ATP2A1: variants seen among roughly 807,000 people sequenced by gnomAD.
The protein encoded by ATP2A1 is sarcoplasmic/endoplasmic reticulum calcium ATPase 1.
ATP2A1 carries 83 observed loss-of-function variants against 109.5 expected under a neutral mutation model. The observed-to-expected ratio is 0.76, with a 90% CI of 0.63 to 0.91. The LOEUF is 0.91. Ranked by LOEUF, ATP2A1 falls within the 40% of genes least tolerant of loss-of-function variation. The pLI is 0.00. For synonymous variants in ATP2A1, 505 were observed against 537.6 expected, an observed-to-expected ratio of 0.94 and a Z score of 0.84; for missense variants, 1,101 against 1,341.0, an observed-to-expected ratio of 0.82 and a Z score of 2.80.
At position 28,902,424 on chromosome 16, in the gene ATP2A1, G is replaced by A. The variant is rs971051546; in HGVS notation, c.2524+38G>A. 1.9e-6 allele frequency: 3 copies of A among 1,607,690 alleles called. No individual in the cohort carries two copies. Among genetic ancestry groups the A allele is most frequent in the East Asian group, 2.2e-5 (1 of 44,758 alleles). On this transcript the variant is annotated intron_variant, in intron 17 of 22. Transcript: ENST00000395503. The surrounding 1 kb of genome is among the most constrained non-coding windows in gnomAD (Gnocchi z 4.8). ...GGTTCCTCGATCCTCCCCACCCCTT[G>A]GGACTAACCCCCTCTCTGGGACACC...
rs1330683926 is a variant in ATP2A1 at position 28,879,018 on chromosome 16, C to G, written c.119-81C>G. On this transcript the variant is annotated intron_variant, in intron 1 of 22. Transcript: ENST00000395503. ...ATGAACCTCAAGGTGGCCTGATTCT[C>G]TTAGCCACAAAGTCTTGGGTGTGGG... is the stretch of plus-strand genomic sequence containing the variant. The G allele has an allele frequency of 3.2e-6, 5 of 1,583,616 alleles. No individual in the cohort carries two copies. In the Admixed American group the frequency reaches 8.3e-5, roughly 26 times the overall value.
rs990172245 is a variant in ATP2A1, at chr16:28,883,893, G to A, written c.464-682G>A. The stretch of plus-strand genomic sequence containing the variant: ...TGAGATGCTCAGACCGGGCTGTCAG[G>A]TTCCCGATATGTGGTCCTCTCCATG... On this transcript the variant is annotated intron_variant, in intron 5 of 22. Coordinates refer to ENST00000395503, the MANE Select transcript of ATP2A1 (RefSeq NM_004320.6). This position sits in a 1 kb window ranked among gnomAD's most constrained non-coding sequence, Gnocchi z 5.2. Among the ~76,000 whole-genome samples the A allele has an allele frequency of 6.6e-6, 1 of 151,990 alleles. No homozygotes were observed. The highest frequency in any genetic ancestry group is 6.6e-5 in the Admixed American group (1 of 15,244).
chr16:28,881,163 T>C (rs1963463487), intron 4 of ATP2A1, 144 bp downstream of exon 4: 1 of 875,494 alleles, frequency 1.1e-6, no homozygotes. Flanking sequence ...TGGGATGGAG[T>C]GTGGGGAAGA....
intron 11 of ATP2A1, 37 bp downstream of exon 11, chr16:28,894,644 T>TG (rs1387367149): frequency 6.2e-7 from 1 of 1,610,232 alleles, no homozygotes; most frequent in African/African-American, 1.3e-5. Context: ...GCTCAGAGTC[T>TG]GGGCCTCCTC....
chr16:28,898,237 C>A lies in ATP2A1; in HGVS notation c.1550C>A (p.Ala517Asp). The A allele has an allele frequency of 6.2e-7, 1 of 1,614,206 alleles. No homozygotes were observed. Among genetic ancestry groups the A allele is most frequent in the Non-Finnish European group, 8.5e-7 (1 of 1,180,038 alleles). ...AVGNKMFVKG[A>D]PEGVIDRCNY... ...AATGCTGTTCTGGTCTCCTAGGGTG[C>A]CCCTGAGGGCGTCATCGACCGCTGT... The change falls in exon 14 of 23, where the codon GCC becomes GAC. Residue 517 changes from alanine (A) to aspartate (D), a missense_variant. Transcript: ENST00000395503. This position sits in a 1 kb window ranked among gnomAD's most constrained non-coding sequence, Gnocchi z 4.0.
chr16:28,881,404 G>A (rs186021016), intron 4 of ATP2A1: 2 of 304,946 alleles, frequency 6.6e-6, no homozygotes, highest in Non-Finnish European at 1.3e-5. Flanking sequence ...TCTGCTTCCT[G>A]GTTTGTTTTG....
chr16:28,880,975 A>G lies in ATP2A1; in HGVS notation c.280A>G (p.Ile94Val), dbSNP rs750741201. 2.5e-5 allele frequency: 41 copies of G among 1,614,010 alleles called. No individual in the cohort carries two copies. The highest frequency in any genetic ancestry group is 3.2e-5 in the Non-Finnish European group (38 of 1,180,012). Residue 94 changes from isoleucine to valine, a missense_variant, in exon 4 of 23, where the codon ATC becomes GTC. Transcript: ENST00000395503. This position sits in a 1 kb window ranked among gnomAD's most constrained non-coding sequence, Gnocchi z 4.2. ...CACTGCCTTTGTTGAACCCTTTGTC[A>G]TCCTCTTGATCCTCATTGCCAATGC... ...TITAFVEPFV[I>V]LLILIANAIV...
intron 12 of ATP2A1, among the ~76,000 whole-genome samples, chr16:28,896,210 T>C (rs1388151872): frequency 6.8e-6 from 1 of 146,628 alleles, no homozygotes; most frequent in Non-Finnish European, 1.5e-5. Context: ...TTCATTCTTT[T>C]TGTTTGTTTG....
intron 9 of ATP2A1, 43 bp downstream of exon 9, chr16:28,888,996 TGTGGGG>T: frequency 2.5e-6 from 4 of 1,611,076 alleles, no homozygotes; most frequent in Non-Finnish European, 2.5e-6. Context: ...GAAGGCTGCC[TGTGGGG>T]GTTAAATGGG....
rs886051882 is a variant in ATP2A1, at chr16:28,902,047, G to A, written c.2285G>A (p.Arg762His). The A allele has an allele frequency of 7.4e-6, 12 of 1,614,212 alleles. No homozygotes were observed. Among genetic ancestry groups the A allele is most frequent in the Admixed American group, 1.7e-5 (1 of 60,016 alleles). Residue 762 changes from arginine to histidine, a missense_variant, in exon 16 of 23, where the codon CGC becomes CAC. Coordinates refer to ENST00000395503, the MANE Select transcript of ATP2A1 (RefSeq NM_004320.6). The surrounding 1 kb of genome is among the most constrained non-coding windows in gnomAD (Gnocchi z 4.8). ...TACAACAACATGAAGCAGTTCATCC[G>A]CTACCTCATTTCCTCCAACGTGGGC... ...AIYNNMKQFI[R>H]YLISSNVGEV... is the part of the protein sequence containing the mutation.
intron 6 of ATP2A1, among the ~76,000 whole-genome samples, chr16:28,886,950 A>G (rs2152203367): frequency 6.6e-6 from 1 of 150,382 alleles, no homozygotes; most frequent in East Asian, 2.0e-4. Flanking sequence ...TGAGATCTTG[A>G]CACTGCACTC....
intron 8 of ATP2A1, 110 bp downstream of exon 8, chr16:28,887,832 G>A (rs1020346608): frequency 7.2e-7 from 1 of 1,396,322 alleles, no homozygotes; most frequent in Admixed American, 1.8e-5. Flanking sequence ...ATGGAGTCTT[G>A]CTCTGTCACC....
intron 4 of ATP2A1, 103 bp downstream of exon 4, chr16:28,881,122 T>A: frequency 8.5e-7 from 1 of 1,179,038 alleles, no homozygotes; most frequent in Non-Finnish European, 1.3e-6. Context: ...CATACTTGCC[T>A]CTTCCTCTGG....
In ATP2A1 at chr16:28,901,735, T is replaced by C. The variant is rs553950041; in HGVS notation, c.2101-128T>C. 523 of 826,364 alleles carry C rather than the reference T, an allele frequency of 6.3e-4. 2 individuals carry two copies. The highest frequency in any genetic ancestry group is 9.4e-4 in the Non-Finnish European group (479 of 509,408). 51.2% of individuals were successfully genotyped at this position (826,364 alleles called of 1,614,324 possible). On this transcript the variant is annotated intron_variant, in intron 15 of 22. Transcript: ENST00000395503. ...ACTTTGGGAGGCTGAGGCAGGAGGA[T>C]TGCTTGAGCCCAGGAGTTCAAGACC...
At chr16:28,882,388 A>T in intron 4 of ATP2A1, 63 bp from the exon 5 acceptor site, 1 of 1,604,018 alleles carries the variant, frequency 6.2e-7, no homozygotes, top group Non-Finnish European at 8.5e-7. Context: ...CCGTGCCAGG[A>T]GCCACAACTC....
chr16:28,896,898 G>A (rs935103678), intron 12 of ATP2A1, among the ~76,000 whole-genome samples: 2 of 151,644 alleles, frequency 1.3e-5, no homozygotes, highest in African/African-American at 4.8e-5. Flanking sequence ...TCTCCATGTT[G>A]GTTAAGCTGG....
In ATP2A1 at chr16:28,878,911, A is replaced by G. The variant is rs930714612; in HGVS notation, c.118+122A>G. On this transcript the variant is annotated intron_variant, in intron 1 of 22. Transcript: ENST00000395503. ...TTAAGGAAGAGCTGGGCCGTTGTCC[A>G]ATGCTCGCAGGGGGAAGAAGATACT... 11 of 1,351,830 alleles carry G rather than the reference A, an allele frequency of 8.1e-6. No homozygotes were observed. The African/African-American group carries it at 1.0e-4, about 12-fold the overall frequency. The allele number at this position is 1,351,830 out of a possible 1,614,324, so 83.7% of individuals were successfully genotyped here. A position where few individuals can be genotyped will look rare whatever the true frequency, so the allele number is the denominator to read the frequency against.
At position 28,903,550 on chromosome 16, in the gene ATP2A1, GC is replaced by G. The variant is rs1964155050; in HGVS notation, c.2980+111del. 7 of 1,267,952 alleles carry G rather than the reference GC, an allele frequency of 5.5e-6. No homozygotes were observed. In the South Asian group the frequency reaches 8.3e-5, roughly 15 times the overall value. The allele number at this position is 1,267,952 out of a possible 1,614,324, so 78.5% of individuals were successfully genotyped here. ...GCAGGTGGTAAGTTTCTCAGCCCTGGCAGGACCTGTGTCCGCCCCGTTCCCC... is the reference window on the plus strand; with the variant it reads ...GCAGGTGGTAAGTTTCTCAGCCCTGGAGGACCTGTGTCCGCCCCGTTCCCC... On this transcript the variant is annotated intron_variant, in intron 21 of 22. Coordinates refer to ENST00000395503, the MANE Select transcript of ATP2A1 (RefSeq NM_004320.6). This position sits in a 1 kb window ranked among gnomAD's most constrained non-coding sequence, Gnocchi z 5.6.
Position 28,902,999 on chromosome 16 carries a change from T to C in ATP2A1, c.2745-31T>C, listed in dbSNP as rs1250872652. ...TGCCGCCCACCTCCTTCCTCCTCAC[T>C]GTGCCTTCTCCCTCCCCTTCCCCTC... On this transcript the variant is annotated intron_variant, in intron 19 of 22. Transcript: ENST00000395503. The surrounding 1 kb of genome is among the most constrained non-coding windows in gnomAD (Gnocchi z 4.8). 1 of 1,613,044 alleles carries C rather than the reference T, an allele frequency of 6.2e-7. No individual in the cohort carries two copies. The highest frequency in any genetic ancestry group is 1.3e-5 in the African/African-American group (1 of 74,828).
Sources: allele counts gnomAD v4.1 joint callset (sites outside exome capture counted in the v4.1 genomes callset), GRCh38; gene constraint gnomAD v4.1.1; non-coding constraint Gnocchi (gnomAD v3.1); transcripts MANE v1.5; gene names NCBI Gene and HGNC (gene_info 2026-07-23, HGNC 2026-07-21).